SCUBE2: variants seen among roughly 807,000 people sequenced by gnomAD.
SCUBE2 encodes the protein signal peptide, CUB and EGF-like domain-containing protein 2.
Under a neutral mutation model 125.9 loss-of-function variants are expected in SCUBE2, and 114 were observed. The ratio of observed to expected loss-of-function variants is 0.91; its 90% CI spans 0.78 to 1.06. The LOEUF (loss-of-function observed/expected upper bound fraction) is 1.06. SCUBE2 is among the 50% of genes least tolerant of loss of function. SCUBE2 has a pLI of 0.00. For synonymous variants in SCUBE2, 459 were observed against 492.9 expected (o/e 0.93, Z 0.91); for missense variants, 1,255 against 1,301.8 (o/e 0.96, Z 0.55).
At chr11:9,041,748 A>G (rs1857265794) in intron 16 of SCUBE2, among the ~76,000 whole-genome samples, 1 of 152,236 alleles carries the variant, frequency 6.6e-6, no homozygotes, top group African/African-American at 2.4e-5. Context: ...CGTTCTACAC[A>G]GAATGGGGGA....
At chr11:9,039,960 AC>A (rs1212512314) in intron 16 of SCUBE2, among the ~76,000 whole-genome samples, 11 of 152,316 alleles carry the variant, frequency 7.2e-5, no homozygotes, top group African/African-American at 2.6e-4. Flanking sequence ...CGGAAAGAAC[AC>A]CCGACTGAAG....
chr11:9,058,820 AC>A (rs1859376067), intron 9 of SCUBE2, among the ~76,000 whole-genome samples: 1 of 152,064 alleles, frequency 6.6e-6, no homozygotes, highest in Non-Finnish European at 1.5e-5. Flanking sequence ...AATTAAAAAA[AC>A]AAGTGCTATA....
intron 11 of SCUBE2, 42 bp from the exon 12 acceptor site, chr11:9,053,257 T>C (rs778659145): frequency 8.5e-5 from 130 of 1,538,270 alleles, no homozygotes; most frequent in Non-Finnish European, 1.1e-4. Context: ...GAGAAGGACA[T>C]TTCCAAGTGT....
chr11:9,041,812 T>G (rs1857272205), intron 16 of SCUBE2, among the ~76,000 whole-genome samples: 1 of 152,136 alleles, frequency 6.6e-6, no homozygotes, highest in Non-Finnish European at 1.5e-5. Context: ...GAGGGTTTGT[T>G]TGGTTTTTAA....
At chr11:9,078,686 A>G (rs1590147762) in intron 3 of SCUBE2, among the ~76,000 whole-genome samples, 1 of 152,194 alleles carries the variant, frequency 6.6e-6, no homozygotes, top group South Asian at 2.1e-4. Flanking sequence ...ATATTTTCCC[A>G]TGATGTTCTC....
chr11:9,023,299 T>TATA (rs1855462975), intron 21 of SCUBE2, among the ~76,000 whole-genome samples: 1 of 152,246 alleles, frequency 6.6e-6, no homozygotes, highest in South Asian at 2.1e-4. Flanking sequence ...AAAGTAATGG[T>TATA]ATAATAGTCA....
intron 10 of SCUBE2, among the ~76,000 whole-genome samples, chr11:9,055,289 C>T (rs1383755185): frequency 6.6e-6 from 1 of 152,132 alleles, no homozygotes; most frequent in Non-Finnish European, 1.5e-5. Context: ...GAACATTTTG[C>T]AAAATGGGCA....
chr11:9,089,573 C>T, intron 2 of SCUBE2, 134 bp downstream of exon 2: 3 of 932,960 alleles, frequency 3.2e-6, no homozygotes, highest in South Asian at 1.8e-5. Flanking sequence ...TTTCAGAGAG[C>T]AGGTGATGTG....
intron 2 of SCUBE2, among the ~76,000 whole-genome samples, chr11:9,080,025 A>G (rs1232635264): frequency 6.6e-6 from 1 of 152,184 alleles, no homozygotes; most frequent in Non-Finnish European, 1.5e-5. Flanking sequence ...AGGAGAACAA[A>G]TTTGGGGGAC....
intron 18 of SCUBE2, among the ~76,000 whole-genome samples, chr11:9,030,513 T>TGG (rs1331992297): frequency 6.6e-6 from 1 of 152,168 alleles, no homozygotes; most frequent in African/African-American, 2.4e-5. Context: ...GTGTACCAAC[T>TGG]GGCTCATCAG....
chr11:9,069,126 A>G (rs1267880327), intron 5 of SCUBE2, among the ~76,000 whole-genome samples: 1 of 152,214 alleles, frequency 6.6e-6, no homozygotes, highest in Non-Finnish European at 1.5e-5. Context: ...CCCAACATTC[A>G]CACTCCTTAC....
rs772620747 is a variant in SCUBE2, at chr11:9,074,630, G to A, written c.383-15C>T. On this transcript the variant is annotated splice_polypyrimidine_tract_variant and intron_variant, in intron 3 of 22. Coordinates refer to ENST00000649792, the MANE Select transcript of SCUBE2 (RefSeq NM_001367977.2). Reference sequence around the variant, plus strand: ...CTCGTCCACATCTGGAAGGAGAGAGGGATTAGCCTTTGCTTTGGTGACTGT... The same window carrying A: ...CTCGTCCACATCTGGAAGGAGAGAGAGATTAGCCTTTGCTTTGGTGACTGT... 1.9e-6 allele frequency: 3 copies of A among 1,614,022 alleles called. No homozygotes were observed. Among genetic ancestry groups the A allele is most frequent in the Non-Finnish European group, 2.5e-6 (3 of 1,179,940 alleles).
At chr11:9,058,591 G>T (rs1859342055) in intron 9 of SCUBE2, among the ~76,000 whole-genome samples, 1 of 78,656 alleles carries the variant, frequency 1.3e-5, no homozygotes, top group Non-Finnish European at 2.1e-5. Flanking sequence ...GCGAGACTCT[G>T]TCTCAAAAAA....
At chr11:9,044,377 C>T (rs1427287814) in intron 16 of SCUBE2, among the ~76,000 whole-genome samples, 1 of 152,170 alleles carries the variant, frequency 6.6e-6, no homozygotes, top group East Asian at 1.9e-4. Flanking sequence ...CTTAGACTCC[C>T]GAGTAGCTGG....
chr11:9,086,963 A>G (rs1862138394), intron 2 of SCUBE2, among the ~76,000 whole-genome samples: 1 of 152,154 alleles, frequency 6.6e-6, no homozygotes. Flanking sequence ...ACGACAGTAC[A>G]AAGGATGTAT....
chr11:9,030,679 G>A, intron 18 of SCUBE2, 79 bp downstream of exon 18: 4 of 1,452,248 alleles, frequency 2.8e-6, no homozygotes, highest in Non-Finnish European at 3.8e-6. Context: ...GGCTGGGCTT[G>A]ACTGGAGCCT....
chr11:9,047,329 T>C (rs756338231), intron 16 of SCUBE2, 27 bp downstream of exon 16: 1 of 1,612,648 alleles, frequency 6.2e-7, no homozygotes, highest in South Asian at 1.1e-5. Context: ...GGCTGTTCTG[T>C]TAGCAAGAAT....
rs760556065 is a variant in SCUBE2, at chr11:9,027,544, C to T, written c.2521G>A (p.Glu841Lys). 7 of 1,613,428 alleles carry T rather than the reference C, an allele frequency of 4.3e-6. No individual in the cohort carries two copies. Among genetic ancestry groups the T allele is most frequent in the South Asian group, 2.2e-5 (2 of 91,010 alleles). Residue 841 changes from glutamate (E) to lysine (K), a missense_variant, in exon 20 of 23, where the codon GAG (glutamate) becomes AAG (lysine). Around this residue, in one of 3 missense-constraint regions of SCUBE2, gnomAD observed 515 missense variants for 515.7 expected, o/e 1.00. Coordinates refer to ENST00000649792, the MANE Select transcript of SCUBE2 (RefSeq NM_001367977.2). ...TQCKNRRCGG[E>K]LGDFTGYIES... ...ATGTACCCAGTGAAATCTCCCAGCT[C>T]CCCTCCACATCTTCTGTCTGAAAAA... is the stretch of plus-strand genomic sequence containing the variant.
intron 13 of SCUBE2, among the ~76,000 whole-genome samples, chr11:9,051,906 G>A (rs1422966754): frequency 6.6e-6 from 1 of 152,194 alleles, no homozygotes; most frequent in African/African-American, 2.4e-5. Flanking sequence ...TGCCCTGGCT[G>A]AGTCCAAACG....
Sources: gnomAD v4.1 joint callset for allele counts (sites outside exome capture counted in the v4.1 genomes callset) on GRCh38, gnomAD v4.1.1 for gene constraint, gnomAD v4.1.1 regional missense constraint, MANE v1.5 for transcripts, NCBI Gene and HGNC (gene_info 2026-07-23, HGNC 2026-07-21) for gene names.